Variants in APLP2 observed in about 807,000 individuals in gnomAD.
The protein encoded by APLP2 is CDEI box-binding protein.
A neutral mutation model predicts 89.9 loss-of-function variants in APLP2; 53 were observed. The ratio of observed to expected loss-of-function variants is 0.59; its 90% CI spans 0.47 to 0.74. APLP2 has a LOEUF of 0.74. Among genes scored for constraint, APLP2 ranks in the 30% least tolerant of loss-of-function variants. The probability of loss-of-function intolerance (pLI) is 0.00; values close to 1 mark genes in which losing one functional copy is unlikely to be tolerated. For missense variants in APLP2, 973 were observed against 975.9 expected, an observed-to-expected ratio of 1.00 and a Z score of 0.04; for synonymous variants, 372 against 348.6, an observed-to-expected ratio of 1.07 and a Z score of -0.75.
At chr11:130,118,309 G>A (rs1949441894) in intron 3 of APLP2, among the ~76,000 whole-genome samples, 1 of 152,110 alleles carries the variant, frequency 6.6e-6, no homozygotes, top group Admixed American at 6.5e-5. Flanking sequence ...TGCCTACCAG[G>A]TGTCAGTTTC....
intron 4 of APLP2, 28 bp downstream of exon 4, chr11:130,120,846 T>A: frequency 6.6e-7 from 1 of 1,515,440 alleles, no homozygotes; most frequent in South Asian, 1.1e-5. Context: ...GAAAGTCAGC[T>A]GCTGTTGTAT....
rs567968099 is a variant in APLP2, at chr11:130,100,121, T to C, written c.106-9308T>C. 3 of 152,380 alleles carry C rather than the reference T, an allele frequency of 2.0e-5. No individual in the cohort carries two copies. The East Asian group carries it at 5.8e-4, about 29-fold the overall frequency. The allele number at this position is 152,380 out of a possible 1,614,324, so 9.4% of individuals were successfully genotyped here. A position where few individuals can be genotyped will look rare whatever the true frequency, so the allele number is the denominator to read the frequency against. The stretch of plus-strand genomic sequence containing the variant: ...GAGCAGCACTGATGTGTAGTTATTA[T>C]TGTCATTACCTTATAGATGACGAAA... On this transcript the variant is annotated intron_variant, in intron 1 of 16. Transcript: ENST00000338167.
chr11:130,129,961 C>T (rs990778932), intron 10 of APLP2, 77 bp from the exon 11 acceptor site: 1 of 1,524,102 alleles, frequency 6.6e-7, no homozygotes, highest in Non-Finnish European at 9.0e-7. Context: ...CTTAAGTGAA[C>T]TTTTTAAGCT....
rs930811019 is a variant in APLP2, at chr11:130,135,597, C to T, written c.1719C>T (p.Asp573=). Residue 573 remains aspartate, a synonymous_variant, in exon 13 of 17, where the codon GAC becomes GAT. Transcript: ENST00000338167. ...TTCAGGAGCAGCGTGCAGATATGGA[C>T]CAGTTCACTGCCTCAATCTCAGAGA... ...ELLQEQRADM[D]QFTASISETP... is the part of the protein sequence containing the mutation. 1 of 1,614,052 alleles carries T rather than the reference C, an allele frequency of 6.2e-7. No individual in the cohort carries two copies. Among genetic ancestry groups the T allele is most frequent in the Non-Finnish European group, 8.5e-7 (1 of 1,180,036 alleles).
intron 1 of APLP2, among the ~76,000 whole-genome samples, chr11:130,084,990 A>G (rs1301347657): frequency 1.3e-5 from 2 of 152,218 alleles, no homozygotes; most frequent in African/African-American, 4.8e-5. Flanking sequence ...CATGAAAATA[A>G]AAAGTATCGT....
chr11:130,117,084 T>G (rs1949274055), intron 3 of APLP2, among the ~76,000 whole-genome samples: 1 of 152,066 alleles, frequency 6.6e-6, no homozygotes, highest in South Asian at 2.1e-4. Flanking sequence ...TGAGCCAAGA[T>G]TGTGCCACTG....
chr11:130,141,932 C>G lies in APLP2; in HGVS notation c.2012C>G (p.Pro671Arg). ...GLEEERESVG[P>R]LREDFSLSSS... is the part of the protein sequence containing the mutation. The stretch of plus-strand genomic sequence containing the variant: ...TTTATTACGTAGGAATCCGTGGGCC[C>G]ACTGCGGGAGGACTTCAGTCTGAGT... The change falls in exon 16 of 17, where the codon CCA (proline) becomes CGA (arginine). Residue 671 changes from proline to arginine, a missense_variant. Physicochemically the swap from Pro to Arg is moderately radical, Grantham distance 103. Transcript: ENST00000338167. The surrounding 1 kb of genome is among the most constrained non-coding windows in gnomAD (Gnocchi z 4.2). The G allele has an allele frequency of 6.2e-7, 1 of 1,603,500 alleles. No homozygotes were observed. Among genetic ancestry groups the G allele is most frequent in the South Asian group, 1.1e-5 (1 of 90,718 alleles).
In APLP2 at chr11:130,130,606, C is replaced by G. The variant is rs534342015; in HGVS notation, c.1584+440C>G. On this transcript the variant is annotated intron_variant, in intron 11 of 16. Coordinates refer to ENST00000338167, the MANE Select transcript of APLP2 (RefSeq NM_001142276.2). ...AGAGGTTTGTTTCTGGTTCCTACTT[C>G]TAATATTGGTGTTGTTCATATATTA... is the stretch of plus-strand genomic sequence containing the variant. Among the ~76,000 whole-genome samples the G allele has an allele frequency of 5.3e-5, 8 of 152,288 alleles. No individual in the cohort carries two copies. The South Asian group carries it at 1.7e-3, about 32-fold the overall frequency.
intron 1 of APLP2, among the ~76,000 whole-genome samples, chr11:130,074,002 C>T (rs984171262): frequency 3.9e-5 from 6 of 152,166 alleles, no homozygotes; most frequent in Non-Finnish European, 5.9e-5. Context: ...TTGCATACGT[C>T]GTCCCCCATC....
intron 1 of APLP2, among the ~76,000 whole-genome samples, chr11:130,105,320 G>T (rs1400706471): frequency 6.6e-6 from 1 of 152,154 alleles, no homozygotes; most frequent in Non-Finnish European, 1.5e-5. Context: ...GGAGATTAAG[G>T]CTGGAGGATG....
intron 3 of APLP2, among the ~76,000 whole-genome samples, chr11:130,120,025 C>G (rs1172528861): frequency 6.6e-6 from 1 of 152,032 alleles, no homozygotes; most frequent in Admixed American, 6.6e-5. Flanking sequence ...AATGTAATGT[C>G]CCTGAGTTTG....
chr11:130,097,570 G>T (rs1022406279), intron 1 of APLP2, among the ~76,000 whole-genome samples: 1 of 152,178 alleles, frequency 6.6e-6, no homozygotes, highest in Non-Finnish European at 1.5e-5. Context: ...AGTGGTGTGT[G>T]ACTGTAGTCC....
At chr11:130,111,909 C>T (rs2135820230) in intron 3 of APLP2, among the ~76,000 whole-genome samples, 2 of 152,312 alleles carry the variant, frequency 1.3e-5, no homozygotes, top group South Asian at 4.1e-4. Flanking sequence ...GAAATCGTTC[C>T]TTCTGCATTG....
rs993055179 is a variant in APLP2, at chr11:130,143,710, T to A, written c.*262T>A. 1 of 363,854 alleles carries A rather than the reference T, an allele frequency of 2.7e-6. No individual in the cohort carries two copies. The highest frequency in any genetic ancestry group is 2.1e-5 in the African/African-American group (1 of 48,466). The allele number at this position is 363,854 out of a possible 1,614,324, so 22.5% of individuals were successfully genotyped here. A position where few individuals can be genotyped will look rare whatever the true frequency, so the allele number is the denominator to read the frequency against. On this transcript the variant is annotated 3_prime_UTR_variant, in exon 17 of 17. Transcript: ENST00000338167. ...CTATTGCAGATATTTGATGTAGTTTTCTTTTTTAAATTAATCAGAAACCCC... is the reference window on the plus strand; with the variant it reads ...CTATTGCAGATATTTGATGTAGTTTACTTTTTTAAATTAATCAGAAACCCC...
rs200379511 is a variant in APLP2, at chr11:130,109,447, G to A, written c.124G>A (p.Gly42Arg). 25 of 1,611,288 alleles carry A rather than the reference G, an allele frequency of 1.6e-5. No homozygotes were observed. The Middle Eastern group carries it at 5.0e-4, about 32-fold the overall frequency. Reference protein sequence around the residue: ...GYIEALAANAGTGFAVAEPQI... With the variant: ...GYIEALAANARTGFAVAEPQI... ...TTGGTAGGCTCTTGCAGCCAATGCC[G>A]GAACAGGATTTGCTGTTGCTGAGCC... Residue 42 changes from glycine (G) to arginine (R), a missense_variant, in exon 2 of 17, where the codon GGA (glycine) becomes AGA (arginine). By Grantham distance (125) the Gly-to-Arg change is moderately radical (BLOSUM62 -2). Transcript: ENST00000338167.
intron 1 of APLP2, among the ~76,000 whole-genome samples, chr11:130,087,645 C>T (rs1262944760): frequency 6.6e-6 from 1 of 152,186 alleles, no homozygotes; most frequent in Non-Finnish European, 1.5e-5. Flanking sequence ...AACACCATGG[C>T]AGGTTTCAAG....
At chr11:130,079,966 A>G (rs1942885061) in intron 1 of APLP2, among the ~76,000 whole-genome samples, 1 of 152,186 alleles carries the variant, frequency 6.6e-6, no homozygotes, top group African/African-American at 2.4e-5. Flanking sequence ...TTTTTTGCCA[A>G]GTATAAGATG....
intron 1 of APLP2, among the ~76,000 whole-genome samples, chr11:130,090,640 T>C (rs1182679071): frequency 6.6e-6 from 1 of 151,946 alleles, no homozygotes; most frequent in Non-Finnish European, 1.5e-5. Flanking sequence ...CAGAACAAAA[T>C]GAAAAGTCTC....
intron 1 of APLP2, among the ~76,000 whole-genome samples, chr11:130,096,302 C>T (rs1446408992): frequency 6.6e-6 from 1 of 152,186 alleles, no homozygotes; most frequent in Non-Finnish European, 1.5e-5. Context: ...TTGCAAGCCA[C>T]ATTAGCCACT....
Sources: gnomAD v4.1 joint callset for allele counts (sites outside exome capture counted in the v4.1 genomes callset) on GRCh38, gnomAD v4.1.1 for gene constraint, Gnocchi (gnomAD v3.1) non-coding constraint, MANE v1.5 for transcripts, NCBI Gene and HGNC (gene_info 2026-07-23, HGNC 2026-07-21) for gene names.